The following AK2 variants were observed in gnomAD, a reference collection of about 807,000 sequenced individuals.
AK2 encodes the protein adenylate kinase 2.
A neutral mutation model predicts 24.6 loss-of-function variants in AK2; 15 were observed. That is an observed-to-expected ratio of 0.61 (90% confidence interval 0.41 to 0.94). The LOEUF (loss-of-function observed/expected upper bound fraction) is 0.94, where lower values mean the gene tolerates loss of function less well. AK2 is among the 40% of genes least tolerant of loss of function. The probability of loss-of-function intolerance (pLI) is 0.00; values close to 1 mark genes in which losing one functional copy is unlikely to be tolerated. For synonymous variants in AK2, 102 were observed against 114.0 expected (o/e 0.90, Z 0.67); for missense variants, 257 against 304.1 (o/e 0.85, Z 1.15).
At position 33,013,095 on chromosome 1, in the gene AK2, G is replaced by A; in HGVS notation, c.*86C>T. ...AATACATCAAATGATATTTTTGCTA[G>A]CCTGAGGAAGCTTCTCTTTGCCTGT... On this transcript the variant is annotated 3_prime_UTR_variant, in exon 6 of 6. Coordinates refer to ENST00000672715, the MANE Select transcript of AK2 (RefSeq NM_001625.4). 1 of 1,611,836 alleles carries A rather than the reference G, an allele frequency of 6.2e-7. No homozygotes were observed. Among genetic ancestry groups the A allele is most frequent in the Non-Finnish European group, 8.5e-7 (1 of 1,179,960 alleles).
rs1638825066 is a variant in AK2, at chr1:33,011,602, G to T, written c.*1579C>A. 1 of 1,288,652 alleles carries T rather than the reference G, an allele frequency of 7.8e-7. No homozygotes were observed. The highest frequency in any genetic ancestry group is 1.0e-6 in the Non-Finnish European group (1 of 989,774). The allele number at this position is 1,288,652 out of a possible 1,614,324, so 79.8% of individuals were successfully genotyped here. A position where few individuals can be genotyped will look rare whatever the true frequency, so the allele number is the denominator to read the frequency against. ...AGTCCACTGAATCGAGTCAGCAGCA[G>T]ATTATGCTGAGGCTGGCGATATTAT... is the stretch of plus-strand genomic sequence containing the variant. On this transcript the variant is annotated 3_prime_UTR_variant, in exon 6 of 6. Coordinates refer to ENST00000672715, the MANE Select transcript of AK2 (RefSeq NM_001625.4).
chr1:33,020,370 A>C (rs1029996102), intron 4 of AK2, among the ~76,000 whole-genome samples: 2 of 152,244 alleles, frequency 1.3e-5, no homozygotes, highest in African/African-American at 4.8e-5. Context: ...AAAATGGAGG[A>C]GATACACATG....
intron 1 of AK2, among the ~76,000 whole-genome samples, chr1:33,033,868 T>G (rs1427431016): frequency 6.6e-6 from 1 of 152,168 alleles, no homozygotes; most frequent in East Asian, 1.9e-4. Context: ...ATTTGTAAAG[T>G]CTGATTTAAG....
chr1:33,012,966 G>A lies in AK2; in HGVS notation c.*215C>T, dbSNP rs1195167412. The A allele has an allele frequency of 6.4e-6, 10 of 1,564,696 alleles. No individual in the cohort carries two copies. Among genetic ancestry groups the A allele is most frequent in the Non-Finnish European group, 7.8e-6 (9 of 1,159,758 alleles). ...AGCCTAAAACTTACAAAGTAGCAGA[G>A]TGAACACATATGTGCATGCACACAC... On this transcript the variant is annotated 3_prime_UTR_variant, in exon 6 of 6. Coordinates refer to ENST00000672715, the MANE Select transcript of AK2 (RefSeq NM_001625.4).
At chr1:33,035,604 AG>A (rs1188060705) in intron 1 of AK2, among the ~76,000 whole-genome samples, 2 of 152,210 alleles carry the variant, frequency 1.3e-5, no homozygotes, top group South Asian at 2.1e-4. Flanking sequence ...CCAAGCAAGA[AG>A]GGGACATCAA....
chr1:33,031,862 G>A (rs1640255701), intron 1 of AK2: 1 of 294,408 alleles, frequency 3.4e-6, no homozygotes, highest in Non-Finnish European at 6.9e-6. Flanking sequence ...CCACACCGAA[G>A]GAGCATCCAA....
chr1:33,014,698 G>T lies in AK2; in HGVS notation c.426-104C>A, dbSNP rs1037019280. 41 of 971,980 alleles carry T rather than the reference G, an allele frequency of 4.2e-5. No homozygotes were observed. The African/African-American group carries it at 5.5e-4, about 13-fold the overall frequency. The allele number at this position is 971,980 out of a possible 1,614,324, so 60.2% of individuals were successfully genotyped here. ...ACAAGCAGAGATAGGGACGCTGGAT[G>T]CAAGGACCCAGCACCCAGCAGAAAA... On this transcript the variant is annotated intron_variant, in intron 4 of 5. Coordinates refer to ENST00000672715, the MANE Select transcript of AK2 (RefSeq NM_001625.4).
chr1:33,027,319 CCA>C (rs1259904629), intron 1 of AK2, among the ~76,000 whole-genome samples: 1 of 152,182 alleles, frequency 6.6e-6, no homozygotes, highest in African/African-American at 2.4e-5. Flanking sequence ...GACCAAAACA[CCA>C]CAGAGAAGAG....
intron 1 of AK2, among the ~76,000 whole-genome samples, chr1:33,028,788 T>G (rs908424271): frequency 2.0e-5 from 3 of 152,068 alleles, no homozygotes; most frequent in African/African-American, 4.8e-5. Flanking sequence ...GTGGGCTGAG[T>G]GGTTCTCAAA....
intron 4 of AK2, among the ~76,000 whole-genome samples, chr1:33,015,226 T>A (rs917140949): frequency 6.6e-6 from 1 of 152,228 alleles, no homozygotes; most frequent in Non-Finnish European, 1.5e-5. Flanking sequence ...AGATAAAAGA[T>A]AGCCTAACCC....
chr1:33,019,501 A>G (rs1639399198), intron 4 of AK2, among the ~76,000 whole-genome samples: 1 of 152,238 alleles, frequency 6.6e-6, no homozygotes, highest in Admixed American at 6.5e-5. Flanking sequence ...ACAAAGAAAC[A>G]GAAGTTCCTG....
At position 33,024,821 on chromosome 1, in the gene AK2, G is replaced by A. The variant is rs10914647; in HGVS notation, c.94-254C>T. Reference sequence around the variant, plus strand: ...CAGTACAACTAGCACACAGGAAGGAGTCATAAATATTAATTATCACTATTT... The same window carrying A: ...CAGTACAACTAGCACACAGGAAGGAATCATAAATATTAATTATCACTATTT... On this transcript the variant is annotated intron_variant, in intron 1 of 5. Transcript: ENST00000672715. Among the ~76,000 whole-genome samples the A allele has an allele frequency of 0.22, 33,125 of 152,162 alleles. 4,468 individuals are homozygous for A. The highest frequency in any genetic ancestry group is 0.36 in the Admixed American group (5,437 of 15,286).
In AK2 at chr1:33,014,508, C is replaced by T. The variant is rs368660217; in HGVS notation, c.498+14G>A. 8.7e-6 allele frequency: 14 copies of T among 1,609,386 alleles called. No individual in the cohort carries two copies. The highest frequency in any genetic ancestry group is 1.7e-4 in the Middle Eastern group (1 of 6,046). Reference sequence around the variant, plus strand: ...AGGAAAGAAAAGGAAATTTTTTGTCCTGAGTTTACATACGTCATCTTTCAT... The same window carrying T: ...AGGAAAGAAAAGGAAATTTTTTGTCTTGAGTTTACATACGTCATCTTTCAT... On this transcript the variant is annotated intron_variant, in intron 5 of 5. Coordinates refer to ENST00000672715, the MANE Select transcript of AK2 (RefSeq NM_001625.4).
chr1:33,031,310 G>A (rs1035170023), intron 1 of AK2: 2 of 194,394 alleles, frequency 1.0e-5, no homozygotes, highest in Non-Finnish European at 2.2e-5. Flanking sequence ...AGACAGACAT[G>A]AGTTCAAATC....
At position 33,010,938 on chromosome 1, in the gene AK2, C is replaced by G; in HGVS notation, c.*2243G>C. On this transcript the variant is annotated 3_prime_UTR_variant, in exon 6 of 6. Coordinates refer to ENST00000672715, the MANE Select transcript of AK2 (RefSeq NM_001625.4). ...CCCCAGCAACCAAATGCATTAAACA[C>G]TGGACATTTCTGTGACAGGTAAAAG... 2 of 1,576,832 alleles carry G rather than the reference C, an allele frequency of 1.3e-6. No homozygotes were observed. Among genetic ancestry groups the G allele is most frequent in the Non-Finnish European group, 1.7e-6 (2 of 1,160,520 alleles).
At chr1:33,014,280 C>T in intron 5 of AK2, 1 of 401,582 alleles carries the variant, frequency 2.5e-6, no homozygotes, top group Non-Finnish European at 4.8e-6. Flanking sequence ...CAGGTACAAT[C>T]TGGGCACTGC....
downstream of AK2, chr1:33,007,983 C>T (rs1638580308): frequency 4.4e-6 from 2 of 453,540 alleles, no homozygotes; most frequent in Non-Finnish European, 8.8e-6. Context: ...CATGCAGAAC[C>T]TCTCACACAG....
In AK2 at chr1:33,026,831, A is replaced by C. The variant is rs917688389; in HGVS notation, c.94-2264T>G. ...CACAAAAAAACAGCAACAAAAAAAA[A>C]CTCTGTACTCTGGGTTGGGCGCAGT... On this transcript the variant is annotated intron_variant, in intron 1 of 5. Coordinates refer to ENST00000672715, the MANE Select transcript of AK2 (RefSeq NM_001625.4). 3.3e-5 allele frequency among the ~76,000 whole-genome samples: 5 copies of C among 149,536 alleles called. No individual in the cohort carries two copies. The East Asian group carries it at 5.9e-4, about 18-fold the overall frequency.
chr1:33,013,008 C>T lies in AK2; in HGVS notation c.*173G>A. 6.3e-7 allele frequency: 1 copy of T among 1,594,018 alleles called. No individual in the cohort carries two copies. Among genetic ancestry groups the T allele is most frequent in the Non-Finnish European group, 8.5e-7 (1 of 1,176,764 alleles). On this transcript the variant is annotated 3_prime_UTR_variant, in exon 6 of 6. Transcript: ENST00000672715. ...TGCACACACACACACACACAACACA[C>T]ATACACACAGATGAGAGTAGCACAC...
Sources: allele counts gnomAD v4.1 joint callset (sites outside exome capture counted in the v4.1 genomes callset), GRCh38; gene constraint gnomAD v4.1.1; transcripts MANE v1.5; gene names NCBI Gene and HGNC (gene_info 2026-07-23, HGNC 2026-07-21).